CABCOCO1: variants seen among roughly 807,000 people sequenced by gnomAD.
CABCOCO1 encodes ciliary-associated calcium-binding coiled-coil protein 1.
A neutral mutation model predicts 35.7 loss-of-function variants in CABCOCO1; 28 were observed. That is an observed-to-expected ratio of 0.78 (90% CI 0.58 to 1.07). The LOEUF (loss-of-function observed/expected upper bound fraction) is 1.07. Among genes scored for constraint, CABCOCO1 ranks in the 50% least tolerant of loss-of-function variants. The pLI is 0.00. For missense variants in CABCOCO1, 326 were observed against 309.2 expected, an observed-to-expected ratio of 1.05 and a Z score of -0.41; for synonymous variants, 95 against 100.1, an observed-to-expected ratio of 0.95 and a Z score of 0.30.
intron 5 of CABCOCO1, among the ~76,000 whole-genome samples, chr10:61,691,983 AT>A (rs1436361471): frequency 1.3e-5 from 2 of 152,148 alleles, no homozygotes; most frequent in Non-Finnish European, 2.9e-5. Flanking sequence ...TAGTAGAATG[AT>A]TTATAATCCT....
chr10:61,670,657 A>G (rs1839327895), intron 1 of CABCOCO1, among the ~76,000 whole-genome samples: 3 of 152,208 alleles, frequency 2.0e-5, no homozygotes, highest in South Asian at 2.1e-4. Flanking sequence ...TTGGAACTCA[A>G]TCGCATGGAA....
intron 5 of CABCOCO1, among the ~76,000 whole-genome samples, chr10:61,718,644 G>A (rs1394183862): frequency 6.6e-6 from 1 of 152,288 alleles, no homozygotes; most frequent in Admixed American, 6.5e-5. Context: ...AACCAATCAA[G>A]TTGTCATTTT....
In CABCOCO1 at chr10:61,765,985, C is replaced by A. The variant is rs776533552; in HGVS notation, c.863C>A (p.Ala288Glu). The change falls in exon 8 of 8, where the codon GCA becomes GAA. Residue 288 changes from alanine to glutamate, a missense_variant. By Grantham distance (107) the Ala-to-Glu change is moderately radical (BLOSUM62 -1). Transcript: ENST00000648843. ...CAAATACAGGAAGAGGCCTTTAATG[C>A]ACGAATAGAAAAATTGAAAAAGGCC... is the stretch of plus-strand genomic sequence containing the variant. Reference protein sequence around the residue: ...KLQIQEEAFNARIEKLKKA With the variant: ...KLQIQEEAFNERIEKLKKA 1.2e-6 allele frequency: 2 copies of A among 1,613,168 alleles called. No homozygotes were observed. Among genetic ancestry groups the A allele is most frequent in the South Asian group, 2.2e-5 (2 of 91,036 alleles).
rs530279080 is a variant in CABCOCO1, at chr10:61,715,339, C to CT, written c.552+24727dup. Among the ~76,000 whole-genome samples, 95 of 150,978 alleles carry CT rather than the reference C, an allele frequency of 6.3e-4. No homozygotes were observed. The South Asian group carries it at 7.6e-3, about 12-fold the overall frequency. ...ATCAGAGATTAGGCTTGCAACCCTG[C>CT]TTTTTTTTTGCTTCCCATTTGCTTG... On this transcript the variant is annotated intron_variant, in intron 5 of 7. Coordinates refer to ENST00000648843, the MANE Select transcript of CABCOCO1 (RefSeq NM_001366906.2).
At chr10:61,704,807 T>C (rs1156945141) in intron 5 of CABCOCO1, among the ~76,000 whole-genome samples, 14 of 148,186 alleles carry the variant, frequency 9.4e-5, no homozygotes, top group African/African-American at 3.5e-4. Flanking sequence ...CTTACTCCAT[T>C]TTTTTTTTTT....
intron 1 of CABCOCO1, among the ~76,000 whole-genome samples, chr10:61,663,880 GT>G (rs11408778): frequency 3.9e-5 from 6 of 151,978 alleles, no homozygotes; most frequent in Non-Finnish European, 7.4e-5. Context: ...TTCCTAGGAA[GT>G]TTTTTTTCCT....
chr10:61,698,896 T>C (rs925526951), intron 5 of CABCOCO1, among the ~76,000 whole-genome samples: 34 of 152,164 alleles, frequency 2.2e-4, no homozygotes, highest in African/African-American at 8.2e-4. Context: ...AGATCATATT[T>C]TGGAAACGAG....
At chr10:61,671,153 C>T (rs1030974929) in intron 1 of CABCOCO1, among the ~76,000 whole-genome samples, 3 of 152,106 alleles carry the variant, frequency 2.0e-5, no homozygotes, top group African/African-American at 7.2e-5. Context: ...AGTGAAACCA[C>T]GTCTCTACTA....
intron 4 of CABCOCO1, among the ~76,000 whole-genome samples, chr10:61,688,413 C>CT (rs1220591881): frequency 6.6e-6 from 1 of 152,198 alleles, no homozygotes; most frequent in African/African-American, 2.4e-5. Context: ...TTAACACACT[C>CT]TGTCATGTGT....
intron 7 of CABCOCO1, among the ~76,000 whole-genome samples, chr10:61,765,403 T>C (rs1842087531): frequency 6.6e-6 from 1 of 152,214 alleles, no homozygotes; most frequent in African/African-American, 2.4e-5. Context: ...ACCAAAAATA[T>C]ATCAGAAAGT....
intron 2 of CABCOCO1, among the ~76,000 whole-genome samples, chr10:61,679,329 C>CTA (rs60971419): frequency 0.095 from 13,561 of 142,802 alleles, 1,059 homozygotes; most frequent in African/African-American, 0.21. Context: ...ATATCTATAT[C>CTA]TATCTATATC....
At chr10:61,764,001 A>G (rs776053301) in intron 7 of CABCOCO1, among the ~76,000 whole-genome samples, 2 of 152,072 alleles carry the variant, frequency 1.3e-5, no homozygotes, top group Non-Finnish European at 2.9e-5. Flanking sequence ...CACCTCTGTC[A>G]GTATGCCACT....
At chr10:61,747,698 G>A (rs895057325) in intron 5 of CABCOCO1, among the ~76,000 whole-genome samples, 4 of 152,148 alleles carry the variant, frequency 2.6e-5, no homozygotes, top group African/African-American at 9.7e-5. Flanking sequence ...TGCCAGAGTC[G>A]ATTGATACTT....
At chr10:61,666,712 A>T (rs1044400238) in intron 1 of CABCOCO1, among the ~76,000 whole-genome samples, 1 of 151,826 alleles carries the variant, frequency 6.6e-6, no homozygotes, top group Non-Finnish European at 1.5e-5. Flanking sequence ...TATATTTGAA[A>T]TGAGGATCTG....
chr10:61,678,407 C>T (rs1208586204), intron 2 of CABCOCO1, among the ~76,000 whole-genome samples: 1 of 152,092 alleles, frequency 6.6e-6, no homozygotes, highest in Non-Finnish European at 1.5e-5. Context: ...GAGTAAAATC[C>T]TACCACCACC....
chr10:61,699,525 G>A (rs556792117), intron 5 of CABCOCO1, among the ~76,000 whole-genome samples: 36 of 152,188 alleles, frequency 2.4e-4, no homozygotes, highest in African/African-American at 7.9e-4. Context: ...CGTAATTACA[G>A]CTTGCTCATT....
chr10:61,671,276 A>T (rs1839351807), intron 1 of CABCOCO1, among the ~76,000 whole-genome samples: 6 of 151,798 alleles, frequency 4.0e-5, no homozygotes, highest in Non-Finnish European at 7.4e-5. Flanking sequence ...CAGTGAGCCG[A>T]GATCAGCCAC....
chr10:61,710,242 TTGTGTGTGTGAGTG>T (rs1230188228), intron 5 of CABCOCO1, among the ~76,000 whole-genome samples: 1 of 139,206 alleles, frequency 7.2e-6, no homozygotes, highest in Non-Finnish European at 1.5e-5. Flanking sequence ...GAATTAATGT[TTGTGTGTGTGAGTG>T]TGTGTGTGTG....
At chr10:61,705,917 A>T (rs1348511972) in intron 5 of CABCOCO1, among the ~76,000 whole-genome samples, 1 of 152,210 alleles carries the variant, frequency 6.6e-6, no homozygotes. Flanking sequence ...TCCTCTGCAG[A>T]CTTGAGTTAA....
Sources: allele counts gnomAD v4.1 joint callset (sites outside exome capture counted in the v4.1 genomes callset), GRCh38; gene constraint gnomAD v4.1.1; transcripts MANE v1.5; gene names NCBI Gene and HGNC (gene_info 2026-07-23, HGNC 2026-07-21).